The following RUNX3 variants were observed in gnomAD, a reference collection of about 807,000 sequenced individuals.
RUNX3 encodes runt-related transcription factor 3.
In RUNX3, 10 loss-of-function variants were observed where a neutral mutation model predicts 27.7. That is an observed-to-expected ratio of 0.36 (90% CI 0.22 to 0.61). The LOEUF (loss-of-function observed/expected upper bound fraction) is 0.61. Ranked by LOEUF, RUNX3 falls within the 20% of genes least tolerant of loss-of-function variation. RUNX3 has a pLI of 0.72. For missense variants in RUNX3, 469 were observed against 629.5 expected (o/e 0.75, Z 2.73); for synonymous variants, 270 against 269.2 (o/e 1.00, Z -0.03).
In RUNX3 at chr1:24,901,666, G is replaced by A. The variant is rs1206863524; in HGVS notation, c.*456C>T. ...GTAAATGCAGAGGGGGCTGGACCCA[G>A]GGGATGCAGGGGCTCCAACGAAGGT... is the stretch of plus-strand genomic sequence containing the variant. On this transcript the variant is annotated 3_prime_UTR_variant, in exon 5 of 5. Transcript: ENST00000308873. The A allele has an allele frequency of 6.0e-6, 1 of 165,564 alleles. No individual in the cohort carries two copies. The highest frequency in any genetic ancestry group is 1.3e-5 in the Non-Finnish European group (1 of 76,850). The allele number at this position is 165,564 out of a possible 1,614,324, so 10.3% of individuals were successfully genotyped here. A position where few individuals can be genotyped will look rare whatever the true frequency, so the allele number is the denominator to read the frequency against.
At chr1:24,944,301 A>C (rs1222334107) in intron 2 of RUNX3, among the ~76,000 whole-genome samples, 1 of 152,026 alleles carries the variant, frequency 6.6e-6, no homozygotes, top group East Asian at 1.9e-4. Flanking sequence ...AAATATGCCC[A>C]TCATACTCCC....
At chr1:24,924,429 T>G (rs1036766485) in intron 2 of RUNX3, among the ~76,000 whole-genome samples, 12 of 43,124 alleles carry the variant, frequency 2.8e-4, no homozygotes, top group African/African-American at 5.9e-4. Context: ...AAAACAAGGG[T>G]TTTTTTTGTA....
At chr1:24,940,620 G>A (rs568476012) in intron 2 of RUNX3, among the ~76,000 whole-genome samples, 8 of 152,202 alleles carry the variant, frequency 5.3e-5, no homozygotes, top group Non-Finnish European at 5.9e-5. Context: ...ATAGCTAGGC[G>A]TGGTAACTTG....
At chr1:24,914,589 G>A (rs1349158658) in intron 3 of RUNX3, among the ~76,000 whole-genome samples, 2 of 152,256 alleles carry the variant, frequency 1.3e-5, no homozygotes, top group African/African-American at 4.8e-5. Flanking sequence ...GCTGCAAGTG[G>A]GGCTTCCAGA....
At chr1:24,913,458 C>A (rs1025395175) in intron 3 of RUNX3, among the ~76,000 whole-genome samples, 1 of 152,266 alleles carries the variant, frequency 6.6e-6, no homozygotes, top group Admixed American at 6.5e-5. Context: ...ACCTCTAACC[C>A]CCGAGGGTCA....
intron 2 of RUNX3, among the ~76,000 whole-genome samples, chr1:24,939,953 C>T (rs750581156): frequency 2.0e-5 from 3 of 152,224 alleles, no homozygotes; most frequent in Admixed American, 1.3e-4. Flanking sequence ...ATCCTGAGCC[C>T]CCTCTGTTAG....
At chr1:24,926,714 G>C (rs1641106043) in intron 2 of RUNX3, among the ~76,000 whole-genome samples, 1 of 152,174 alleles carries the variant, frequency 6.6e-6, no homozygotes. Context: ...GGAGCAGAGG[G>C]AACCCAGCTT....
intron 4 of RUNX3, 45 bp downstream of exon 4, chr1:24,907,213 TC>T: frequency 6.3e-7 from 1 of 1,585,256 alleles, no homozygotes; most frequent in Non-Finnish European, 8.5e-7. Context: ...ATCGAGGCCC[TC>T]CACCCCCACC....
intron 2 of RUNX3, among the ~76,000 whole-genome samples, chr1:24,957,646 T>C (rs1257176260): frequency 6.6e-6 from 1 of 152,236 alleles, no homozygotes; most frequent in Non-Finnish European, 1.5e-5. Flanking sequence ...AGAAGGCTTT[T>C]GCAGAGGAGG....
In RUNX3 at chr1:24,943,031, G is replaced by A. The variant is rs1366027496; in HGVS notation, c.59-13179C>T. On this transcript the variant is annotated intron_variant, in intron 2 of 6. Transcript: ENST00000338888. The surrounding 1 kb of genome is among the most constrained non-coding windows in gnomAD (Gnocchi z 4.6). ...GCGGCTCAGGACTGGGCGGGGGTCC[G>A]GAGCGGAAGGCGCCCAGCCCTGATT... Among the ~76,000 whole-genome samples the A allele has an allele frequency of 1.3e-5, 2 of 152,240 alleles. No individual in the cohort carries two copies. Among genetic ancestry groups the A allele is most frequent in the Non-Finnish European group, 2.9e-5 (2 of 68,038 alleles).
chr1:24,956,844 T>C (rs1641945081), intron 2 of RUNX3, among the ~76,000 whole-genome samples: 1 of 152,198 alleles, frequency 6.6e-6, no homozygotes, highest in Non-Finnish European at 1.5e-5. Flanking sequence ...CCTTTCCCTT[T>C]GCGTTCTCCA....
intron 2 of RUNX3, among the ~76,000 whole-genome samples, chr1:24,922,119 T>C (rs1641011136): frequency 6.6e-6 from 1 of 151,772 alleles, no homozygotes; most frequent in Admixed American, 6.6e-5. Context: ...CCCGGCTATT[T>C]CTTTTTTTCC....
At chr1:24,917,893 G>A (rs1640918680) in intron 3 of RUNX3, among the ~76,000 whole-genome samples, 1 of 152,130 alleles carries the variant, frequency 6.6e-6, no homozygotes, top group Non-Finnish European at 1.5e-5. Flanking sequence ...TGACAAAACT[G>A]AGGCCACAAA....
At chr1:24,932,015 C>T (rs548380992), upstream of RUNX3, among the ~76,000 whole-genome samples, 169 of 152,340 alleles carry the variant, frequency 1.1e-3, no homozygotes, top group African/African-American at 4.0e-3. Context: ...AGGCGCAGCG[C>T]GTCGTGGCCA....
Position 24,930,061 on chromosome 1 carries a change from G to A in RUNX3, c.-193C>T, listed in dbSNP as rs578153067. On this transcript the variant is annotated 5_prime_UTR_variant, in exon 1 of 5. Coordinates refer to ENST00000308873, the MANE Select transcript of RUNX3 (RefSeq NM_004350.3). This position sits in a 1 kb window ranked among gnomAD's most constrained non-coding sequence, Gnocchi z 4.1. The stretch of plus-strand genomic sequence containing the variant: ...GGCCCGCCCGCTGCGAGGCCTCGCT[G>A]GCCCGACGGCCGCCCGCAGCCTGCC... 1,046 of 980,464 alleles carry A rather than the reference G, an allele frequency of 1.1e-3. 2 individuals carry two copies. The highest frequency in any genetic ancestry group is 1.2e-3 in the Non-Finnish European group (993 of 827,988). The allele number at this position is 980,464 out of a possible 1,614,324, so 60.7% of individuals were successfully genotyped here.
intron 4 of RUNX3, among the ~76,000 whole-genome samples, chr1:24,903,634 G>A (rs915979721): frequency 4.6e-5 from 7 of 152,192 alleles, no homozygotes; most frequent in African/African-American, 1.7e-4. Flanking sequence ...TGGGGAAACT[G>A]AGGCCCAGAC....
intron 1 of RUNX3, chr1:24,964,732 T>C (rs1346018688): frequency 2.0e-5 from 30 of 1,466,002 alleles, no homozygotes; most frequent in Middle Eastern, 3.6e-4. Context: ...TTGTCTCTTT[T>C]TTCCCCCCTG....
intron 3 of RUNX3, among the ~76,000 whole-genome samples, chr1:24,910,599 C>T (rs1368413857): frequency 1.3e-5 from 2 of 152,196 alleles, no homozygotes; most frequent in Admixed American, 6.5e-5. Flanking sequence ...TGTAGGCCCC[C>T]AAGCTCCCTA....
At chr1:24,914,860 G>C (rs1344807272) in intron 3 of RUNX3, among the ~76,000 whole-genome samples, 4 of 152,174 alleles carry the variant, frequency 2.6e-5, no homozygotes, top group African/African-American at 9.6e-5. Context: ...CACTCTGCTG[G>C]CTGCTCACTT....
Sources: allele counts gnomAD v4.1 joint callset (sites outside exome capture counted in the v4.1 genomes callset), GRCh38; gene constraint gnomAD v4.1.1; non-coding constraint Gnocchi (gnomAD v3.1); transcripts MANE v1.5; gene names NCBI Gene and HGNC (gene_info 2026-07-23, HGNC 2026-07-21).